Variants in SCMH1 observed in about 807,000 individuals in gnomAD.
SCMH1 encodes Scm polycomb group protein homolog 1, also known as polycomb protein SCMH1.
A neutral mutation model predicts 70.8 loss-of-function variants in SCMH1; 37 were observed. The observed-to-expected ratio is 0.52, with a 90% CI of 0.40 to 0.69. The LOEUF (loss-of-function observed/expected upper bound fraction) is 0.69, where lower values mean the gene tolerates loss of function less well. Ranked by LOEUF, SCMH1 falls within the 30% of genes least tolerant of loss-of-function variation. The probability of loss-of-function intolerance (pLI) is 0.00; values close to 1 mark genes in which losing one functional copy is unlikely to be tolerated. For synonymous variants in SCMH1, 292 were observed against 307.4 expected, an observed-to-expected ratio of 0.95 and a Z score of 0.52; for missense variants, 607 against 827.3, an observed-to-expected ratio of 0.73 and a Z score of 3.27.
intron 10 of SCMH1, among the ~76,000 whole-genome samples, chr1:41,061,747 C>T (rs189370991): frequency 4.6e-5 from 7 of 152,310 alleles, no homozygotes; most frequent in Admixed American, 2.6e-4. Flanking sequence ...CATCTATTGA[C>T]GACTTCATCC....
chr1:41,237,603 T>C (rs1166603405), intron 1 of SCMH1, among the ~76,000 whole-genome samples: 1 of 152,236 alleles, frequency 6.6e-6, no homozygotes, highest in East Asian at 1.9e-4. Flanking sequence ...CCATATTTCC[T>C]ACTATTAGCT....
chr1:41,058,242 G>A (rs779647572), intron 10 of SCMH1, among the ~76,000 whole-genome samples: 5 of 151,980 alleles, frequency 3.3e-5, no homozygotes, highest in Non-Finnish European at 7.4e-5. Flanking sequence ...ATGAGTGACT[G>A]AAGAAATGGT....
chr1:41,192,963 G>C (rs937788218), intron 1 of SCMH1, among the ~76,000 whole-genome samples: 1 of 152,204 alleles, frequency 6.6e-6, no homozygotes, highest in Admixed American at 6.5e-5. Context: ...TGTTGCAACT[G>C]CTCAACTCTG....
chr1:41,179,699 C>A (rs190920763), intron 2 of SCMH1, among the ~76,000 whole-genome samples: 13 of 152,198 alleles, frequency 8.5e-5, no homozygotes, highest in African/African-American at 1.2e-4. Flanking sequence ...CAATAACAGG[C>A]TCTGAAATTG....
intron 4 of SCMH1, among the ~76,000 whole-genome samples, chr1:41,155,377 T>C (rs1161796286): frequency 6.6e-6 from 1 of 152,106 alleles, no homozygotes; most frequent in Non-Finnish European, 1.5e-5. Flanking sequence ...TGGTGATATA[T>C]AGCAAAATAC....
intron 8 of SCMH1, among the ~76,000 whole-genome samples, chr1:41,089,002 G>A (rs756592438): frequency 2.9e-4 from 44 of 152,190 alleles, no homozygotes; most frequent in Admixed American, 8.5e-4. Context: ...AGTCTGCATG[G>A]CTTGTTAAAA....
chr1:41,093,412 C>A (rs948942727), intron 8 of SCMH1, among the ~76,000 whole-genome samples: 9 of 151,522 alleles, frequency 5.9e-5, no homozygotes, highest in South Asian at 4.2e-4. Context: ...AGGAGATATA[C>A]CTAATGTAAA....
chr1:41,104,010 C>G (rs1029130857), intron 8 of SCMH1, among the ~76,000 whole-genome samples: 1 of 152,170 alleles, frequency 6.6e-6, no homozygotes, highest in African/African-American at 2.4e-5. Flanking sequence ...GAAGCCTCAT[C>G]TCATATTTAT....
chr1:41,078,798 G>T (rs1205991271), intron 8 of SCMH1, among the ~76,000 whole-genome samples: 4 of 152,156 alleles, frequency 2.6e-5, no homozygotes, highest in South Asian at 2.1e-4. Context: ...AAGTTCTTCA[G>T]GCTGAAGGAC....
intron 2 of SCMH1, among the ~76,000 whole-genome samples, chr1:41,185,004 C>G (rs1007008915): frequency 6.6e-6 from 1 of 152,264 alleles, no homozygotes; most frequent in East Asian, 1.9e-4. Context: ...TCTCACATAT[C>G]TAGGTCAATA....
At chr1:41,238,995 A>G (rs1041547154) in intron 1 of SCMH1, among the ~76,000 whole-genome samples, 2 of 152,124 alleles carry the variant, frequency 1.3e-5, no homozygotes, top group African/African-American at 4.8e-5. Context: ...ACATACAATC[A>G]ATCATTAAAG....
chr1:41,206,329 A>C (rs1655526581), intron 1 of SCMH1, among the ~76,000 whole-genome samples: 1 of 152,262 alleles, frequency 6.6e-6, no homozygotes. Context: ...AACTAGAATA[A>C]ACAGTGTAGA....
intron 1 of SCMH1, among the ~76,000 whole-genome samples, chr1:41,187,813 CAA>C (rs112850018): frequency 0.18 from 24,179 of 137,168 alleles, 2,239 homozygotes; most frequent in Non-Finnish European, 0.22. Context: ...CCCATCTCTA[CAA>C]AAAAAAAAAA....
At chr1:41,136,118 A>T (rs1643272319) in intron 6 of SCMH1, among the ~76,000 whole-genome samples, 1 of 150,848 alleles carries the variant, frequency 6.6e-6, no homozygotes, top group Non-Finnish European at 1.5e-5. Flanking sequence ...TAATTTTGTT[A>T]TTTTTTTTGC....
chr1:41,117,109 G>C, intron 6 of SCMH1, 99 bp from the exon 7 acceptor site: 1 of 746,608 alleles, frequency 1.3e-6, no homozygotes, highest in Non-Finnish European at 2.1e-6. Context: ...AGAGACCGAG[G>C]GCACGAGCTC....
intron 10 of SCMH1, among the ~76,000 whole-genome samples, chr1:41,070,134 T>C (rs879534292): frequency 1.4e-4 from 22 of 152,098 alleles, no homozygotes; most frequent in African/African-American, 4.6e-4. Flanking sequence ...TAACCCAGGA[T>C]GATTACCCAC....
chr1:41,146,726 T>G (rs1373139712), intron 5 of SCMH1, among the ~76,000 whole-genome samples: 1 of 152,144 alleles, frequency 6.6e-6, no homozygotes, highest in Non-Finnish European at 1.5e-5. Context: ...GCAAGTATAT[T>G]CTATGTTCAC....
At chr1:41,046,341 G>A (rs780647844) in intron 12 of SCMH1, 66 bp downstream of exon 12, 16 of 1,413,848 alleles carry the variant, frequency 1.1e-5, no homozygotes, top group Non-Finnish European at 6.9e-6. Flanking sequence ...CTGACCCTGG[G>A]CCCCTGCAGG....
At chr1:41,104,032 A>G (rs1375388684) in intron 8 of SCMH1, among the ~76,000 whole-genome samples, 2 of 152,164 alleles carry the variant, frequency 1.3e-5, no homozygotes, top group East Asian at 3.8e-4. Flanking sequence ...TTTCCTGACC[A>G]AAATAGAGCA....
Sources: gnomAD v4.1 joint callset for allele counts (sites outside exome capture counted in the v4.1 genomes callset) on GRCh38, gnomAD v4.1.1 for gene constraint, MANE v1.5 for transcripts, NCBI Gene and HGNC (gene_info 2026-07-23, HGNC 2026-07-21) for gene names.